The following ARHGAP44 variants were observed in gnomAD, a reference collection of about 807,000 sequenced individuals.
The protein encoded by ARHGAP44 is Rho GTPase activating protein 44.
ARHGAP44 carries 43 observed loss-of-function variants against 106.8 expected under a neutral mutation model. That is an observed-to-expected ratio of 0.40 (90% confidence interval 0.32 to 0.52). The LOEUF (loss-of-function observed/expected upper bound fraction) is 0.52, where lower values mean the gene tolerates loss of function less well. Among genes scored for constraint, ARHGAP44 ranks in the 20% least tolerant of loss-of-function variants. ARHGAP44 has a pLI of 0.48. For synonymous variants in ARHGAP44, 439 were observed against 410.3 expected (o/e 1.07, Z -0.85); for missense variants, 866 against 1,050.5 (o/e 0.82, Z 2.43).
At chr17:12,930,763 C>G (rs147224274) in intron 7 of ARHGAP44, among the ~76,000 whole-genome samples, 1 of 152,110 alleles carries the variant, frequency 6.6e-6, no homozygotes, top group Non-Finnish European at 1.5e-5. Flanking sequence ...TTCAAAGATT[C>G]GTAGTACATG....
intron 1 of ARHGAP44, among the ~76,000 whole-genome samples, chr17:12,801,132 C>T (rs2034080146): frequency 6.6e-6 from 1 of 152,158 alleles, no homozygotes; most frequent in South Asian, 2.1e-4. Flanking sequence ...CTGCAAAAGC[C>T]TCTACAGACT....
At position 12,984,872 on chromosome 17, in the gene ARHGAP44, C is replaced by T. The variant is rs202079228; in HGVS notation, c.2281C>T (p.Leu761=). Reference sequence around the variant, plus strand: ...TCCACAGTCCACGGAGGCCCCCATGCTAGATGGCATGTCCCCTGGGGAAAG... The same window carrying T: ...TCCACAGTCCACGGAGGCCCCCATGTTAGATGGCATGTCCCCTGGGGAAAG... ...SSPQSTEAPM[L]DGMSPGESMS... is the part of the protein sequence containing the mutation. Residue 761 remains leucine (L), a synonymous_variant, in exon 20 of 21, where the codon CTA becomes TTA. Coordinates refer to ENST00000379672, the MANE Select transcript of ARHGAP44 (RefSeq NM_014859.6). 2.0e-4 allele frequency: 327 copies of T among 1,613,694 alleles called. 2 individuals are homozygous for T. The African/African-American group carries it at 3.9e-3, about 19-fold the overall frequency.
chr17:12,987,742 A>G (rs2039996028), intron 20 of ARHGAP44: 1 of 152,192 alleles, frequency 6.6e-6, no homozygotes, highest in Non-Finnish European at 1.5e-5. Flanking sequence ...TAAAGAATCC[A>G]TATCGGAGCT....
chr17:12,907,848 G>A lies in ARHGAP44; in HGVS notation c.199-1049G>A, dbSNP rs2037601412. 2.0e-5 allele frequency among the ~76,000 whole-genome samples: 3 copies of A among 152,104 alleles called. No individual in the cohort carries two copies. In the South Asian group the frequency reaches 6.2e-4, roughly 32 times the overall value. On this transcript the variant is annotated intron_variant, in intron 3 of 20. Coordinates refer to ENST00000379672, the MANE Select transcript of ARHGAP44 (RefSeq NM_014859.6). ...ATATACCCAGGAGTGGAATTGCTGT[G>A]CCATGTGATAATTCTGCTTAACTTA...
chr17:12,825,848 T>C (rs1567633758), intron 1 of ARHGAP44, among the ~76,000 whole-genome samples: 1 of 152,210 alleles, frequency 6.6e-6, no homozygotes, highest in Non-Finnish European at 1.5e-5. Flanking sequence ...TCTGCCACAA[T>C]GTATGACATG....
intron 1 of ARHGAP44, among the ~76,000 whole-genome samples, chr17:12,841,593 C>CTG (rs1331627683): frequency 0.05 from 6,581 of 130,890 alleles, 226 homozygotes; most frequent in African/African-American, 0.098. Flanking sequence ...CTGTCTCTCT[C>CTG]TCACACACAC....
rs552733059 is a variant in ARHGAP44 at position 12,927,250 on chromosome 17, C to A, written c.465-1679C>A. Among the ~76,000 whole-genome samples, 3 of 152,278 alleles carry A rather than the reference C, an allele frequency of 2.0e-5. No homozygotes were observed. In the South Asian group the frequency reaches 6.2e-4, roughly 32 times the overall value. ...CAAAACCTTTTTAAAGTAATTTTCCCGTGATTGCATTCTTTAAGTGACAGA... is the reference window on the plus strand; with the variant it reads ...CAAAACCTTTTTAAAGTAATTTTCCAGTGATTGCATTCTTTAAGTGACAGA... On this transcript the variant is annotated intron_variant, in intron 6 of 20. Transcript: ENST00000379672.
In ARHGAP44 at chr17:12,984,923, G is replaced by T; in HGVS notation, c.2317+15G>T. 1 of 1,583,164 alleles carries T rather than the reference G, an allele frequency of 6.3e-7. No individual in the cohort carries two copies. On this transcript the variant is annotated intron_variant, in intron 20 of 20. Coordinates refer to ENST00000379672, the MANE Select transcript of ARHGAP44 (RefSeq NM_014859.6). ...CATGTCTACAGGTAACCAAGCCACA[G>T]GCTCCCTCACTTTTTTTTATGAACT...
intron 3 of ARHGAP44, among the ~76,000 whole-genome samples, chr17:12,903,114 GAGA>G (rs1481100622): frequency 1.3e-5 from 1 of 77,974 alleles, no homozygotes; most frequent in South Asian, 5.7e-4. Flanking sequence ...GAGAGAGAGA[GAGA>G]GAGAGAGAGG....
At chr17:12,940,998 A>G (rs2038691541) in intron 7 of ARHGAP44, 58 bp from the exon 8 acceptor site, 2 of 1,483,490 alleles carry the variant, frequency 1.3e-6, no homozygotes, top group Admixed American at 3.4e-5. Context: ...TGACTTATGC[A>G]TTAGCCACTC....
intron 1 of ARHGAP44, among the ~76,000 whole-genome samples, chr17:12,869,977 A>T (rs922223407): frequency 4.0e-5 from 6 of 151,676 alleles, no homozygotes; most frequent in Non-Finnish European, 8.8e-5. Context: ...GTACAAACAT[A>T]GACCTTTATA....
chr17:12,862,675 G>A (rs1166785988), intron 1 of ARHGAP44, among the ~76,000 whole-genome samples: 1 of 152,240 alleles, frequency 6.6e-6, no homozygotes, highest in Admixed American at 6.5e-5. Context: ...ACTTGCACGG[G>A]ATGGCTGAGC....
At chr17:12,890,712 G>A (rs1402575202) in intron 1 of ARHGAP44, among the ~76,000 whole-genome samples, 1 of 152,130 alleles carries the variant, frequency 6.6e-6, no homozygotes, top group African/African-American at 2.4e-5. Context: ...GCACATTTTT[G>A]TGTTTTACGT....
chr17:12,936,342 C>T (rs1207955249), intron 7 of ARHGAP44, among the ~76,000 whole-genome samples: 1 of 152,182 alleles, frequency 6.6e-6, no homozygotes, highest in African/African-American at 2.4e-5. Context: ...GTCCTCTGTG[C>T]TCCTCCTATT....
intron 1 of ARHGAP44, among the ~76,000 whole-genome samples, chr17:12,814,493 G>A (rs954220102): frequency 1.3e-5 from 2 of 151,296 alleles, no homozygotes; most frequent in East Asian, 1.9e-4. Context: ...TGCCCGCCTC[G>A]GCCTCCCGAA....
At chr17:12,907,962 T>C (rs1165986949) in intron 3 of ARHGAP44, among the ~76,000 whole-genome samples, 1 of 152,084 alleles carries the variant, frequency 6.6e-6, no homozygotes, top group Non-Finnish European at 1.5e-5. Flanking sequence ...AATCCTTATT[T>C]TTTTTTTGCT....
intron 18 of ARHGAP44, among the ~76,000 whole-genome samples, chr17:12,978,035 T>TTAAAAAAAA (rs757585682): frequency 1.8e-5 from 1 of 55,562 alleles, no homozygotes; most frequent in South Asian, 6.7e-4. Flanking sequence ...AGACTCCATC[T>TTAAAAAAAA]CAAAAAAAAA....
chr17:12,806,967 G>A (rs2034293918), intron 1 of ARHGAP44, among the ~76,000 whole-genome samples: 1 of 152,148 alleles, frequency 6.6e-6, no homozygotes, highest in Non-Finnish European at 1.5e-5. Flanking sequence ...TCTGGTTAGA[G>A]GTAAGTTTCT....
intron 1 of ARHGAP44, among the ~76,000 whole-genome samples, chr17:12,845,480 C>T (rs550401424): frequency 3.4e-5 from 5 of 145,618 alleles, no homozygotes; most frequent in South Asian, 4.4e-4. Flanking sequence ...TGCACTCCAG[C>T]CTGGTGACAA....
Sources: allele counts gnomAD v4.1 joint callset (sites outside exome capture counted in the v4.1 genomes callset), GRCh38; gene constraint gnomAD v4.1.1; transcripts MANE v1.5; gene names NCBI Gene and HGNC (gene_info 2026-07-23, HGNC 2026-07-21).